The following CENPP variants were observed in gnomAD, a reference collection of about 807,000 sequenced individuals.
CENPP encodes the protein centromere protein P.
Under a neutral mutation model 35.6 loss-of-function variants are expected in CENPP, and 24 were observed. That is an observed-to-expected ratio of 0.67 (90% CI 0.49 to 0.95). CENPP has a LOEUF of 0.95. Ranked by LOEUF, CENPP falls within the 40% of genes least tolerant of loss-of-function variation. CENPP has a pLI of 0.00. For synonymous variants in CENPP, 120 were observed against 125.5 expected (o/e 0.96, Z 0.29); for missense variants, 332 against 345.3 (o/e 0.96, Z 0.31).
chr9:92,563,865 G>T (rs1849903145), intron 5 of CENPP, among the ~76,000 whole-genome samples: 1 of 152,018 alleles, frequency 6.6e-6, no homozygotes, highest in East Asian at 1.9e-4. Context: ...CAGGAAAGAA[G>T]TGGCCAGATC....
Position 92,337,522 on chromosome 9 carries a change from T to C in CENPP, c.290-19T>C. On this transcript the variant is annotated intron_variant, in intron 2 of 7. Coordinates refer to ENST00000375587, the MANE Select transcript of CENPP (RefSeq NM_001012267.3). ...AAATGGCTATTTGCAAACAAAATAT[T>C]TGTTTTTCTGCTTTACAGGTATTAG... 7.0e-7 allele frequency: 1 copy of C among 1,426,764 alleles called. No individual in the cohort carries two copies. The highest frequency in any genetic ancestry group is 1.2e-5 in the South Asian group (1 of 85,088). 88.4% of individuals were successfully genotyped at this position (1,426,764 alleles called of 1,614,324 possible).
At chr9:92,566,958 C>G (rs1351302813) in intron 5 of CENPP, among the ~76,000 whole-genome samples, 1 of 152,188 alleles carries the variant, frequency 6.6e-6, no homozygotes, top group East Asian at 1.9e-4. Context: ...AAGCAGCACA[C>G]ATAAATTTCT....
chr9:92,384,971 C>G (rs1564289072), intron 5 of CENPP: 1 of 152,240 alleles, frequency 6.6e-6, no homozygotes, highest in East Asian at 1.9e-4. Context: ...GAAGACATTA[C>G]CAGAAAGTAA....
chr9:92,439,721 A>G (rs1373546359), intron 5 of CENPP, among the ~76,000 whole-genome samples: 1 of 152,118 alleles, frequency 6.6e-6, no homozygotes, highest in Non-Finnish European at 1.5e-5. Flanking sequence ...CCCATGTTAA[A>G]ATTCTTGGAA....
intron 4 of CENPP, among the ~76,000 whole-genome samples, chr9:92,365,685 A>G (rs938467874): frequency 6.6e-6 from 1 of 151,776 alleles, no homozygotes; most frequent in Non-Finnish European, 1.5e-5. Context: ...TGCTGGGATT[A>G]TAGGCGTGAG....
At chr9:92,354,631 A>G (rs1366099276) in intron 4 of CENPP, among the ~76,000 whole-genome samples, 1 of 152,144 alleles carries the variant, frequency 6.6e-6, no homozygotes, top group Non-Finnish European at 1.5e-5. Flanking sequence ...AAGTTCTGGG[A>G]TTATAGGCAT....
intron 5 of CENPP, chr9:92,404,618 T>C: frequency 7.8e-7 from 1 of 1,286,750 alleles, no homozygotes; most frequent in South Asian, 1.3e-5. Flanking sequence ...CTGAGTAAAA[T>C]TTCAGGGCCC....
At chr9:92,500,692 A>T in intron 5 of CENPP, 2 of 1,577,854 alleles carry the variant, frequency 1.3e-6, no homozygotes, top group Non-Finnish European at 8.6e-7. Flanking sequence ...TGCCAACCAA[A>T]ATTTAAACAG....
intron 5 of CENPP, chr9:92,414,786 G>A (rs1327511423): frequency 4.3e-6 from 1 of 231,922 alleles, no homozygotes; most frequent in East Asian, 6.6e-5. Flanking sequence ...GTCATGGCCT[G>A]TGGGTCTTTA....
chr9:92,441,022 C>G (rs953627532), intron 5 of CENPP, among the ~76,000 whole-genome samples: 1 of 152,226 alleles, frequency 6.6e-6, no homozygotes, highest in African/African-American at 2.4e-5. Context: ...GAATCATCAC[C>G]GAACTTCGTA....
intron 5 of CENPP, among the ~76,000 whole-genome samples, chr9:92,608,561 C>T (rs750131954): frequency 2.6e-5 from 4 of 152,196 alleles, no homozygotes; most frequent in African/African-American, 7.2e-5. Context: ...ATATAACTAA[C>T]GTACCCCTGT....
At chr9:92,542,656 A>G (rs1000376229) in intron 5 of CENPP, among the ~76,000 whole-genome samples, 14 of 152,126 alleles carry the variant, frequency 9.2e-5, no homozygotes, top group African/African-American at 3.4e-4. Flanking sequence ...AGCTGGGACT[A>G]CAGGCATGCA....
intron 5 of CENPP, chr9:92,474,740 TCC>T (rs1491399152): frequency 1.3e-6 from 2 of 1,574,706 alleles, no homozygotes; most frequent in East Asian, 2.3e-5. Flanking sequence ...AAGAGAGTTG[TCC>T]TCATCATCAT....
chr9:92,328,431 C>G (rs73518450), intron 1 of CENPP, among the ~76,000 whole-genome samples: 3,078 of 152,258 alleles, frequency 0.02, 108 homozygotes, highest in African/African-American at 0.07. Flanking sequence ...AATCCTGTCT[C>G]TGCTATTGGC....
chr9:92,522,434 A>G, intron 5 of CENPP: 1 of 988,098 alleles, frequency 1.0e-6, no homozygotes. Flanking sequence ...TAAACCAAAA[A>G]GTAATATAAT....
chr9:92,492,671 C>T (rs1000802393), intron 5 of CENPP, among the ~76,000 whole-genome samples: 7 of 152,140 alleles, frequency 4.6e-5, no homozygotes, highest in Non-Finnish European at 7.3e-5. Flanking sequence ...CGCCCAGGTT[C>T]GGACCTTTTA....
At chr9:92,533,332 T>A (rs62572511) in intron 5 of CENPP, among the ~76,000 whole-genome samples, 2,167 of 74,958 alleles carry the variant, frequency 0.029, 23 homozygotes, top group Non-Finnish European at 0.044. Context: ...AAAAAAAATA[T>A]ATATATATAT....
intron 4 of CENPP, among the ~76,000 whole-genome samples, chr9:92,357,190 G>C (rs888996850): frequency 1.3e-5 from 2 of 151,096 alleles, no homozygotes. Flanking sequence ...CCTTTATTGA[G>C]TCTTTTTTTT....
chr9:92,479,311 C>T (rs1845828569), intron 5 of CENPP, among the ~76,000 whole-genome samples: 1 of 152,148 alleles, frequency 6.6e-6, no homozygotes, highest in Non-Finnish European at 1.5e-5. Flanking sequence ...GGAGACCCTC[C>T]CTGCCTTTAA....
Sources: allele counts gnomAD v4.1 joint callset (sites outside exome capture counted in the v4.1 genomes callset), GRCh38; gene constraint gnomAD v4.1.1; transcripts MANE v1.5; gene names NCBI Gene and HGNC (gene_info 2026-07-23, HGNC 2026-07-21).